The following SSPN variants were observed in gnomAD, a reference collection of about 807,000 sequenced individuals.
SSPN encodes sarcospan, also known as K-ras oncogene-associated protein.
Under a neutral mutation model 19.1 loss-of-function variants are expected in SSPN, and 15 were observed. The observed-to-expected ratio is 0.78, with a 90% CI of 0.52 to 1.21. The LOEUF (loss-of-function observed/expected upper bound fraction) is 1.21. Ranked by LOEUF, SSPN falls within the 50% of genes most tolerant of loss-of-function variation. The pLI is 0.00. For synonymous variants in SSPN, 147 were observed against 140.3 expected, an observed-to-expected ratio of 1.05 and a Z score of -0.34; for missense variants, 291 against 314.0, an observed-to-expected ratio of 0.93 and a Z score of 0.55.
chr12:26,158,909 GA>G (rs1944571476), intron 1 of SSPN, among the ~76,000 whole-genome samples: 2 of 152,264 alleles, frequency 1.3e-5, no homozygotes, highest in Non-Finnish European at 2.9e-5. Context: ...CAGAAGCACA[GA>G]GGAGGAGATC....
At chr12:26,157,377 C>T (rs1378784958) in intron 1 of SSPN, among the ~76,000 whole-genome samples, 2 of 152,190 alleles carry the variant, frequency 1.3e-5, no homozygotes, top group Non-Finnish European at 2.9e-5. Flanking sequence ...AATACATTCT[C>T]ATTCTTGGAC....
At chr12:26,193,014 T>G (rs1944798534), upstream of SSPN, among the ~76,000 whole-genome samples, 1 of 152,348 alleles carries the variant, frequency 6.6e-6, no homozygotes, top group South Asian at 2.1e-4. Context: ...CAAATAGAAC[T>G]TGTATCTAGT....
chr12:26,191,572 A>G (rs1251398900), upstream of SSPN, among the ~76,000 whole-genome samples: 1 of 152,200 alleles, frequency 6.6e-6, no homozygotes, highest in Non-Finnish European at 1.5e-5. Context: ...AAAATTATAA[A>G]TGGGTCAATT....
chr12:26,211,845 T>A (rs1029007348), intron 1 of SSPN, among the ~76,000 whole-genome samples: 3 of 152,150 alleles, frequency 2.0e-5, no homozygotes, highest in African/African-American at 4.8e-5. Context: ...GTGGGAAAAA[T>A]TATATAAAAT....
At position 26,127,150 on chromosome 12, in the gene SSPN, C is replaced by T. The variant is rs75053072; in HGVS notation, c.-31+4998C>T. ...TAGAAAGGGGATGTAAATATTTGCTCCAGAGCTAAATTTCACTTGAAAAGG... is the reference window on the plus strand; with the variant it reads ...TAGAAAGGGGATGTAAATATTTGCTTCAGAGCTAAATTTCACTTGAAAAGG... On this transcript the variant is annotated intron_variant, in intron 1 of 2. Transcript: ENST00000538142. Among the ~76,000 whole-genome samples, 515 of 152,238 alleles carry T rather than the reference C, an allele frequency of 3.4e-3. 4 individuals carry two copies. Among genetic ancestry groups the T allele is most frequent in the African/African-American group, 0.012 (485 of 41,528 alleles).
intron 1 of SSPN, among the ~76,000 whole-genome samples, chr12:26,212,035 GA>G (rs1944993254): frequency 6.6e-6 from 1 of 152,122 alleles, no homozygotes; most frequent in Non-Finnish European, 1.5e-5. Flanking sequence ...GCAAATGCAT[GA>G]GCAAAATTTT....
intron 1 of SSPN, among the ~76,000 whole-genome samples, chr12:26,215,363 T>A (rs1945036259): frequency 6.6e-6 from 1 of 152,148 alleles, no homozygotes; most frequent in Non-Finnish European, 1.5e-5. Flanking sequence ...TAGTAATGAG[T>A]AATGTGCCAA....
intron 1 of SSPN, among the ~76,000 whole-genome samples, chr12:26,188,095 G>A (rs1396818069): frequency 1.3e-5 from 2 of 152,220 alleles, no homozygotes; most frequent in Non-Finnish European, 2.9e-5. Flanking sequence ...GCAACCTTCT[G>A]AGGTAGGTAT....
intron 1 of SSPN, among the ~76,000 whole-genome samples, chr12:26,218,475 A>G (rs1347309837): frequency 6.6e-6 from 1 of 150,472 alleles, no homozygotes; most frequent in South Asian, 2.1e-4. Flanking sequence ...GTACCCTAAA[A>G]CTTAAAGTAT....
At chr12:26,169,409 G>A (rs74072073) in intron 1 of SSPN, among the ~76,000 whole-genome samples, 8,805 of 152,004 alleles carry the variant, frequency 0.058, 385 homozygotes, top group South Asian at 0.12. Flanking sequence ...AGAAGATTTA[G>A]GAACATTATA....
At chr12:26,133,849 G>GT (rs1246214879) in intron 1 of SSPN, among the ~76,000 whole-genome samples, 1 of 152,200 alleles carries the variant, frequency 6.6e-6, no homozygotes, top group South Asian at 2.1e-4. Flanking sequence ...GTGGTTCCAA[G>GT]TTTTTATTAT....
chr12:26,199,090 A>G (rs921504766), intron 1 of SSPN, among the ~76,000 whole-genome samples: 1 of 152,270 alleles, frequency 6.6e-6, no homozygotes, highest in African/African-American at 2.4e-5. Context: ...AGGGGCCACT[A>G]TCCCATTAAC....
At chr12:26,168,174 C>G (rs1011222338) in intron 1 of SSPN, among the ~76,000 whole-genome samples, 2 of 146,290 alleles carry the variant, frequency 1.4e-5, no homozygotes, top group African/African-American at 5.1e-5. Context: ...GATCACACCA[C>G]TGCACCCCAG....
intron 1 of SSPN, chr12:26,124,826 A>C: frequency 6.3e-7 from 1 of 1,592,454 alleles, no homozygotes; most frequent in African/African-American, 1.3e-5. Flanking sequence ...GGGGCTCTGT[A>C]CAATAATCTG....
Position 26,175,839 on chromosome 12 carries a change from GTTT to G in SSPN, c.-30-48441_-30-48439del, listed in dbSNP as rs57740060. 4.1e-3 allele frequency among the ~76,000 whole-genome samples: 569 copies of G among 139,490 alleles called. 5 individuals are homozygous for G. The highest frequency in any genetic ancestry group is 0.014 in the African/African-American group (535 of 39,196). The allele number at this position is 139,490 out of a possible 152,430, so 91.5% of individuals were successfully genotyped here. On this transcript the variant is annotated intron_variant, in intron 1 of 2. Coordinates refer to the SSPN transcript ENST00000538142. ...TCCGAGTATAAAAAATTTATTTTGA[GTTT>G]TTTTTTTTTTTTGAGACAAAGTTTT...
intron 1 of SSPN, among the ~76,000 whole-genome samples, chr12:26,183,424 C>T (rs1944732536): frequency 6.6e-6 from 1 of 152,182 alleles, no homozygotes; most frequent in Admixed American, 6.5e-5. Context: ...CCAAACTTCC[C>T]TTTAAAAAAT....
intron 1 of SSPN, among the ~76,000 whole-genome samples, chr12:26,152,889 G>T (rs1000813727): frequency 1.3e-5 from 2 of 152,110 alleles, no homozygotes; most frequent in Non-Finnish European, 2.9e-5. Context: ...TCTTGCCATT[G>T]TCTGACTTAG....
Position 26,195,740 on chromosome 12 carries a change from G to A in SSPN, c.68G>A (p.Gly23Glu). ...QGGPPAADAA[G>E]PDDMEPKKGT... ...GGCCCGCCGGCCGCGGACGCCGCTG[G>A]GCCCGACGACATGGAGCCGAAGAAG... The change falls in exon 1 of 3, where the codon GGG becomes GAG. Residue 23 changes from glycine (G) to glutamate (E), a missense_variant. Coordinates refer to ENST00000242729, the MANE Select transcript of SSPN (RefSeq NM_005086.5). 6.8e-7 allele frequency: 1 copy of A among 1,468,984 alleles called. No homozygotes were observed. Among genetic ancestry groups the A allele is most frequent in the Non-Finnish European group, 9.0e-7 (1 of 1,113,944 alleles). 91.0% of individuals were successfully genotyped at this position (1,468,984 alleles called of 1,614,324 possible). A position where few individuals can be genotyped will look rare whatever the true frequency, so the allele number is the denominator to read the frequency against.
intron 1 of SSPN, among the ~76,000 whole-genome samples, chr12:26,143,725 G>A (rs1488821810): frequency 6.6e-6 from 1 of 152,206 alleles, no homozygotes; most frequent in African/African-American, 2.4e-5. Flanking sequence ...ACATTTTTGT[G>A]ATGTACCTTA....
Sources: gnomAD v4.1 joint callset for allele counts (sites outside exome capture counted in the v4.1 genomes callset) on GRCh38, gnomAD v4.1.1 for gene constraint, MANE v1.5 for transcripts, NCBI Gene and HGNC (gene_info 2026-07-23, HGNC 2026-07-21) for gene names.